EMC8: variants seen among roughly 807,000 people sequenced by gnomAD.
EMC8 encodes ER membrane protein complex subunit 8, also known as COX4 neighbor.
In EMC8, 11 loss-of-function variants were observed where a neutral mutation model predicts 24.3. That is an observed-to-expected ratio of 0.45 (90% CI 0.28 to 0.75). The LOEUF is 0.75. EMC8 is among the 30% of genes least tolerant of loss of function. The pLI is 0.12. For missense variants in EMC8, 277 were observed against 282.7 expected (o/e 0.98, Z 0.14); for synonymous variants, 145 against 117.7 (o/e 1.23, Z -1.50).
At position 85,799,440 on chromosome 16, in the gene EMC8, G is replaced by A. The variant is rs904791420; in HGVS notation, c.-145C>T. On this transcript the variant is annotated 5_prime_UTR_variant, in exon 1 of 5. Coordinates refer to ENST00000253457, the MANE Select transcript of EMC8 (RefSeq NM_006067.5). The surrounding 1 kb of genome is among the most constrained non-coding windows in gnomAD (Gnocchi z 4.2). ...CGCGGGCTGGCGGGGGACCCTTCAGGCCCGGCCCCGTTTGGGCCTCGGCTC... is the reference window on the plus strand; with the variant it reads ...CGCGGGCTGGCGGGGGACCCTTCAGACCCGGCCCCGTTTGGGCCTCGGCTC... The A allele has an allele frequency of 2.3e-6, 1 of 440,478 alleles. No individual in the cohort carries two copies. Among genetic ancestry groups the A allele is most frequent in the Non-Finnish European group, 3.9e-6 (1 of 258,892 alleles). The allele number at this position is 440,478 out of a possible 1,614,324, so 27.3% of individuals were successfully genotyped here. A position where few individuals can be genotyped will look rare whatever the true frequency, so the allele number is the denominator to read the frequency against.
intron 3 of EMC8, 64 bp from the exon 4 acceptor site, chr16:85,780,537 C>A: frequency 2.6e-6 from 3 of 1,170,414 alleles, no homozygotes; most frequent in Non-Finnish European, 2.5e-6. Flanking sequence ...CGGCAGGCGC[C>A]TCCTCGGGGC....
In EMC8 at chr16:85,799,158, G is replaced by A. The variant is rs748419646; in HGVS notation, c.138C>T (p.Gly46=). The change falls in exon 1 of 5, where the codon GGC becomes GGT. Residue 46 remains glycine (G), a synonymous_variant. Coordinates refer to ENST00000253457, the MANE Select transcript of EMC8 (RefSeq NM_006067.5). The surrounding 1 kb of genome is among the most constrained non-coding windows in gnomAD (Gnocchi z 4.2). ...CGAAGAGGGTGTGGTGGGCGCCGGG[G>A]CCGCCCAGGGGGAGGTGCTCCTTAC... ...KPRKEHLPLG[G]PGAHHTLFVD... The A allele has an allele frequency of 1.0e-5, 16 of 1,607,978 alleles. No homozygotes were observed. In the South Asian group the frequency reaches 1.8e-4, roughly 18 times the overall value.
intron 2 of EMC8, chr16:85,784,616 T>TCCTAA (rs1196324728): frequency 6.6e-6 from 1 of 151,362 alleles, no homozygotes; most frequent in Non-Finnish European, 1.5e-5. Context: ...CGATGGTGGC[T>TCCTAA]CCTAGCGCAG....
chr16:85,797,469 G>A (rs1905283651), intron 1 of EMC8, among the ~76,000 whole-genome samples: 1 of 152,154 alleles, frequency 6.6e-6, no homozygotes, highest in Admixed American at 6.5e-5. Context: ...ACTCCCCAGT[G>A]GTGTTTCAGT....
chr16:85,786,599 G>C (rs1904765315), intron 2 of EMC8, among the ~76,000 whole-genome samples: 1 of 152,194 alleles, frequency 6.6e-6, no homozygotes, highest in Non-Finnish European at 1.5e-5. Flanking sequence ...CAGGGTGGCA[G>C]ACTCCTAGCT....
intron 1 of EMC8, 35 bp from the exon 2 acceptor site, chr16:85,789,085 G>A (rs768883105): frequency 7.3e-7 from 1 of 1,372,012 alleles, no homozygotes; most frequent in Non-Finnish European, 1.0e-6. Flanking sequence ...AAAGATGAAT[G>A]ACTCTCCCTT....
intron 1 of EMC8, among the ~76,000 whole-genome samples, chr16:85,790,357 A>C (rs1233594121): frequency 6.6e-6 from 1 of 152,208 alleles, no homozygotes; most frequent in Non-Finnish European, 1.5e-5. Flanking sequence ...ACGAATTACC[A>C]TATTGGGTCA....
intron 2 of EMC8, chr16:85,785,050 T>C (rs1355616513): frequency 6.6e-6 from 1 of 152,206 alleles, no homozygotes; most frequent in African/African-American, 2.4e-5. Context: ...CAGGCTCAAG[T>C]GATCTCCCAC....
chr16:85,790,150 ATTTT>A (rs777251353), intron 1 of EMC8, among the ~76,000 whole-genome samples: 1 of 141,078 alleles, frequency 7.1e-6, no homozygotes, highest in Non-Finnish European at 1.5e-5. Flanking sequence ...TGGTACCTTG[ATTTT>A]TTTTTTTTTG....
rs1406804047 is a variant in EMC8, at chr16:85,779,713, A to C, written c.628T>G (p.Cys210Gly). 1 of 1,614,172 alleles carries C rather than the reference A, an allele frequency of 6.2e-7. No homozygotes were observed. Among genetic ancestry groups the C allele is most frequent in the Non-Finnish European group, 8.5e-7 (1 of 1,179,966 alleles). The change falls in exon 5 of 5, where the codon TGC (cysteine) becomes GGC (glycine). Residue 210 changes from cysteine to glycine, a missense_variant. Transcript: ENST00000253457. ...CCAGTCACAGCGGTGCCTGCCTAGC[A>C]CAAGTGTAGGACAGCTTTATTGATC... is the stretch of plus-strand genomic sequence containing the variant. ...PEINKAVLHL[C>G]
intron 2 of EMC8, chr16:85,784,288 G>A (rs1330466502): frequency 2.0e-5 from 3 of 152,154 alleles, no homozygotes; most frequent in African/African-American, 2.4e-5. Context: ...GTGAGCCACC[G>A]CGCCTGGCCC....
At position 85,781,251 on chromosome 16, in the gene EMC8, G is replaced by A. The variant is rs755782550; in HGVS notation, c.338C>T (p.Ser113Phe). The change falls in exon 3 of 5, where the codon TCC becomes TTC. Residue 113 changes from serine (S) to phenylalanine (F), a missense_variant. Ser to Phe is a radical substitution (Grantham distance 155). Transcript: ENST00000253457. ...GTCGCTGAAGCCCTCGGCGATTCTG[G>A]AGGCCACCTTCTCTGCAACCTGGTT... Reference protein sequence around the residue: ...SPNQVAEKVASRIAEGFSDTA... With the variant: ...SPNQVAEKVAFRIAEGFSDTA... 6.2e-7 allele frequency: 1 copy of A among 1,612,490 alleles called. No individual in the cohort carries two copies. Among genetic ancestry groups the A allele is most frequent in the South Asian group, 1.1e-5 (1 of 90,990 alleles).
intron 1 of EMC8, among the ~76,000 whole-genome samples, chr16:85,790,146 CTTGAT>C (rs377718240): frequency 0.017 from 2,546 of 151,944 alleles, 68 homozygotes; most frequent in African/African-American, 0.058. Flanking sequence ...AAATTGGTAC[CTTGAT>C]TTTTTTTTTT....
chr16:85,795,198 A>C (rs945447307), intron 1 of EMC8, among the ~76,000 whole-genome samples: 1 of 151,122 alleles, frequency 6.6e-6, no homozygotes, highest in Non-Finnish European at 1.5e-5. Context: ...GCAACATCTG[A>C]CATTCCAAAT....
intron 1 of EMC8, among the ~76,000 whole-genome samples, chr16:85,797,183 G>A (rs538059765): frequency 1.1e-4 from 17 of 152,290 alleles, no homozygotes; most frequent in East Asian, 5.8e-4. Flanking sequence ...GGAGGTGGCC[G>A]TATTACTTGA....
At chr16:85,786,976 G>C (rs896172634) in intron 2 of EMC8, among the ~76,000 whole-genome samples, 22 of 152,130 alleles carry the variant, frequency 1.4e-4, no homozygotes, top group Admixed American at 4.6e-4. Context: ...TGACAACCTG[G>C]TGCCATTCCC....
intron 3 of EMC8, 35 bp downstream of exon 3, chr16:85,781,176 A>G (rs776049930): frequency 1.3e-6 from 2 of 1,536,966 alleles, no homozygotes; most frequent in South Asian, 1.1e-5. Context: ...GAGGAGGCGC[A>G]AGGGCCTCCC....
intron 1 of EMC8, among the ~76,000 whole-genome samples, chr16:85,796,383 C>G (rs532517505): frequency 6.6e-6 from 1 of 152,148 alleles, no homozygotes; most frequent in Non-Finnish European, 1.5e-5. Flanking sequence ...TCTTCTGTCC[C>G]CTTCTCCGTA....
intron 1 of EMC8, among the ~76,000 whole-genome samples, chr16:85,789,424 A>G (rs1904903450): frequency 6.6e-6 from 1 of 152,172 alleles, no homozygotes; most frequent in South Asian, 2.1e-4. Context: ...TTAAGGAAAC[A>G]AAGCTTAGAG....
Sources: gnomAD v4.1 joint callset for allele counts (sites outside exome capture counted in the v4.1 genomes callset) on GRCh38, gnomAD v4.1.1 for gene constraint, Gnocchi (gnomAD v3.1) non-coding constraint, MANE v1.5 for transcripts, NCBI Gene and HGNC (gene_info 2026-07-23, HGNC 2026-07-21) for gene names.